The following KMT5B variants were observed in gnomAD, a reference collection of about 807,000 sequenced individuals.
KMT5B encodes histone-lysine N-methyltransferase KMT5B.
Under a neutral mutation model 83.2 loss-of-function variants are expected in KMT5B, and 10 were observed. That is an observed-to-expected ratio of 0.12 (90% CI 0.07 to 0.20). The LOEUF (loss-of-function observed/expected upper bound fraction) is 0.20, where lower values mean the gene tolerates loss of function less well. Among genes scored for constraint, KMT5B ranks in the 10% least tolerant of loss-of-function variants. The pLI, the probability that KMT5B is intolerant of heterozygous loss-of-function variation, is 1.00. For synonymous variants in KMT5B, 349 were observed against 388.8 expected, an observed-to-expected ratio of 0.90 and a Z score of 1.20; for missense variants, 753 against 1,067.2, an observed-to-expected ratio of 0.71 and a Z score of 4.10.
At chr11:68,193,881 G>A (rs1289791173) in intron 1 of KMT5B, among the ~76,000 whole-genome samples, 3 of 150,902 alleles carry the variant, frequency 2.0e-5, no homozygotes, top group Non-Finnish European at 4.4e-5. Flanking sequence ...GCTCACTGTG[G>A]CCTCAAAGTC....
intron 1 of KMT5B, among the ~76,000 whole-genome samples, chr11:68,209,882 T>A (rs77931155): frequency 3.4e-5 from 5 of 148,154 alleles, no homozygotes; most frequent in East Asian, 4.1e-4. Context: ...TTTTTTTTTT[T>A]AAGAGACGGA....
intron 9 of KMT5B, among the ~76,000 whole-genome samples, chr11:68,170,203 G>C (rs1002371308): frequency 1.3e-5 from 2 of 152,240 alleles, no homozygotes; most frequent in Non-Finnish European, 2.9e-5. Context: ...TGAGGACTCT[G>C]AAGTTAGGCT....
intron 1 of KMT5B, among the ~76,000 whole-genome samples, chr11:68,192,103 T>C (rs1047982774): frequency 2.6e-5 from 4 of 152,234 alleles, no homozygotes; most frequent in African/African-American, 4.8e-5. Context: ...CTAGACTACC[T>C]AGGTTTGTGT....
rs1855811470 is a variant in KMT5B, at chr11:68,171,270, A to G, written c.821-19T>C. ...CTGCAATCTGAAAAATGTCCAAAAG[A>G]TAAAGTCAATTAACTGTTGATAAGA... On this transcript the variant is annotated intron_variant, in intron 7 of 10. Coordinates refer to ENST00000304363, the MANE Select transcript of KMT5B (RefSeq NM_017635.5). This position sits in a 1 kb window ranked among gnomAD's most constrained non-coding sequence, Gnocchi z 5.1. The G allele has an allele frequency of 6.2e-7, 1 of 1,609,404 alleles. No individual in the cohort carries two copies. The highest frequency in any genetic ancestry group is 1.3e-5 in the African/African-American group (1 of 74,622).
intron 10 of KMT5B, among the ~76,000 whole-genome samples, chr11:68,161,251 T>G (rs1476662918): frequency 1.3e-5 from 2 of 152,200 alleles, no homozygotes; most frequent in African/African-American, 4.8e-5. Flanking sequence ...ACTCTTCGGC[T>G]AAAGGGTTTC....
At chr11:68,190,230 A>G (rs1857885640) in intron 1 of KMT5B, 78 bp from the exon 2 acceptor site, 2 of 660,670 alleles carry the variant, frequency 3.0e-6, no homozygotes, top group East Asian at 2.6e-5. Flanking sequence ...CAGACCCTTG[A>G]GAAAGATATA....
chr11:68,193,018 C>A (rs1179890864), intron 1 of KMT5B, among the ~76,000 whole-genome samples: 1 of 152,178 alleles, frequency 6.6e-6, no homozygotes, highest in East Asian at 1.9e-4. Context: ...ATACATCACA[C>A]TCACTACTAA....
intron 9 of KMT5B, among the ~76,000 whole-genome samples, chr11:68,169,262 C>G (rs1855615713): frequency 6.6e-6 from 1 of 152,226 alleles, no homozygotes; most frequent in African/African-American, 2.4e-5. Flanking sequence ...ACCTGCAGTT[C>G]TAAACCAGGG....
chr11:68,208,417 C>T (rs71459692), intron 1 of KMT5B, among the ~76,000 whole-genome samples: 15,053 of 151,926 alleles, frequency 0.099, 820 homozygotes, highest in East Asian at 0.22. Flanking sequence ...CGCGCCACTG[C>T]ACTCCAGCCT....
chr11:68,173,675 C>T (rs964141318), intron 6 of KMT5B, 129 bp downstream of exon 6: 14 of 624,478 alleles, frequency 2.2e-5, no homozygotes, highest in South Asian at 6.6e-5. Context: ...GCCAAGGCAA[C>T]GGCGATGCAT....
intron 1 of KMT5B, among the ~76,000 whole-genome samples, chr11:68,192,524 A>G (rs1858204162): frequency 2.0e-5 from 3 of 152,216 alleles, no homozygotes. Context: ...TGTTATACTG[A>G]TATCTAGTAG....
chr11:68,185,258 T>C (rs1039918806), intron 3 of KMT5B, among the ~76,000 whole-genome samples: 1 of 152,030 alleles, frequency 6.6e-6, no homozygotes, highest in African/African-American at 2.4e-5. Context: ...CAGACTGGAG[T>C]GCAATGGCAC....
At chr11:68,197,274 T>C (rs1401360482) in intron 1 of KMT5B, among the ~76,000 whole-genome samples, 2 of 152,130 alleles carry the variant, frequency 1.3e-5, no homozygotes, top group African/African-American at 4.8e-5. Context: ...CGCCCGGCCA[T>C]GGAAAGTCTT....
intron 1 of KMT5B, among the ~76,000 whole-genome samples, chr11:68,191,222 C>T (rs553423887): frequency 8.0e-5 from 11 of 137,796 alleles, no homozygotes; most frequent in Middle Eastern, 4.0e-3. Flanking sequence ...GACGAGGTCT[C>T]ACTATGTTGC....
In KMT5B at chr11:68,213,227, T is replaced by G. The variant is rs2153097473; in HGVS notation, c.-166A>C. On this transcript the variant is annotated 5_prime_UTR_variant, in exon 1 of 11. Transcript: ENST00000304363. ...CGGGGCCGCGCCGCCGGGCCCCGCG[T>G]CCCAGTCCCCCCCAGAAAATTAATC... 7.1e-6 allele frequency: 1 copy of G among 140,182 alleles called. No individual in the cohort carries two copies. Among genetic ancestry groups the G allele is most frequent in the Non-Finnish European group, 1.6e-5 (1 of 64,190 alleles). 8.7% of individuals were successfully genotyped at this position (140,182 alleles called of 1,614,324 possible).
chr11:68,185,701 A>T (rs1857379925), intron 3 of KMT5B, 80 bp downstream of exon 3: 4 of 1,386,088 alleles, frequency 2.9e-6, no homozygotes, highest in Non-Finnish European at 2.9e-6. Flanking sequence ...TTAAATTTTG[A>T]GCAAAAGTAA....
chr11:68,171,484 T>C lies in KMT5B; in HGVS notation c.820+59A>G. The C allele has an allele frequency of 1.3e-6, 2 of 1,550,600 alleles. No homozygotes were observed. Among genetic ancestry groups the C allele is most frequent in the Admixed American group, 1.8e-5 (1 of 54,262 alleles). On this transcript the variant is annotated intron_variant, in intron 7 of 10. Transcript: ENST00000304363. This position sits in a 1 kb window ranked among gnomAD's most constrained non-coding sequence, Gnocchi z 5.1. ...GGTTTGACTGAGGTTGACAAGGCCA[T>C]TCTAGCAGTTAGCAGGAATGGCCAA...
chr11:68,170,803 G>C (rs1032526471), intron 9 of KMT5B, among the ~76,000 whole-genome samples: 5 of 152,136 alleles, frequency 3.3e-5, no homozygotes, highest in Non-Finnish European at 4.4e-5. Flanking sequence ...AGATTTTAAA[G>C]GGAAATTTTA....
chr11:68,185,381 T>C (rs1486533963), intron 3 of KMT5B, among the ~76,000 whole-genome samples: 1 of 152,232 alleles, frequency 6.6e-6, no homozygotes, highest in Non-Finnish European at 1.5e-5. Context: ...ATTTTTTTTG[T>C]ACTTTTAGTA....
Sources: gnomAD v4.1 joint callset for allele counts (sites outside exome capture counted in the v4.1 genomes callset) on GRCh38, gnomAD v4.1.1 for gene constraint, Gnocchi (gnomAD v3.1) non-coding constraint, MANE v1.5 for transcripts, NCBI Gene and HGNC (gene_info 2026-07-23, HGNC 2026-07-21) for gene names.